Variants in MACF1 observed in about 807,000 individuals in gnomAD.
MACF1 encodes the protein microtubule-actin cross-linking factor 1.
A neutral mutation model predicts 854.8 loss-of-function variants in MACF1; 193 were observed. That is an observed-to-expected ratio of 0.23 (90% CI 0.20 to 0.25). MACF1 has a LOEUF of 0.25. MACF1 is among the 10% of genes least tolerant of loss of function. The probability of loss-of-function intolerance (pLI) is 1.00; values close to 1 mark genes in which losing one functional copy is unlikely to be tolerated. For synonymous variants in MACF1, 3,185 were observed against 3,226.7 expected (o/e 0.99, Z 0.44); for missense variants, 7,722 against 8,929.1 (o/e 0.86, Z 5.45).
At chr1:39,116,598 G>A (rs1642553689) in intron 2 of MACF1, among the ~76,000 whole-genome samples, 1 of 152,152 alleles carries the variant, frequency 6.6e-6, no homozygotes, top group African/African-American at 2.4e-5. Flanking sequence ...TTGATTGTTT[G>A]TACTGTTGTT....
At chr1:39,099,021 G>A (rs1440800656) in intron 2 of MACF1, among the ~76,000 whole-genome samples, 1 of 152,220 alleles carries the variant, frequency 6.6e-6, no homozygotes, top group East Asian at 1.9e-4. Context: ...AAAGGATAAT[G>A]CTTGGGGCTG....
upstream of MACF1, chr1:39,204,690 A>G: frequency 4.5e-6 from 1 of 220,454 alleles, no homozygotes; most frequent in East Asian, 1.1e-4. Context: ...GAGGATGCCA[A>G]AGATAGAGGT....
chr1:39,467,880 C>G (rs1644701944), intron 95 of MACF1: 1 of 152,300 alleles, frequency 6.6e-6, no homozygotes, highest in East Asian at 1.9e-4. Flanking sequence ...ATAGTATTCA[C>G]TATTTTCCAT....
Position 39,459,255 on chromosome 1 carries a change from G to T in MACF1, c.21360+6G>T, listed in dbSNP as rs1644501451. The T allele has an allele frequency of 6.2e-7, 1 of 1,606,774 alleles. No homozygotes were observed. The highest frequency in any genetic ancestry group is 8.5e-7 in the Non-Finnish European group (1 of 1,175,958). ...CCTTGGATCGGCTGGAGGAGGTAAT[G>T]CCCTGCTGAGTGGCCTTCCCTGAAA... On this transcript the variant is annotated splice_donor_region_variant and intron_variant, in intron 91 of 100. Transcript: ENST00000564288.
intron 31 of MACF1, among the ~76,000 whole-genome samples, chr1:39,320,611 C>G (rs536060601): frequency 6.6e-6 from 1 of 152,278 alleles, no homozygotes; most frequent in South Asian, 2.1e-4. Context: ...TAAATTCTTA[C>G]ATGGTTTATA....
At chr1:39,229,287 C>A (rs995715540) in intron 1 of MACF1, among the ~76,000 whole-genome samples, 1 of 151,348 alleles carries the variant, frequency 6.6e-6, no homozygotes, top group Admixed American at 6.6e-5. Flanking sequence ...GATTCAAGGC[C>A]GAAAAGAAGG....
intron 27 of MACF1, among the ~76,000 whole-genome samples, 164 bp downstream of exon 27, chr1:39,315,855 G>T (rs908489969): frequency 6.6e-6 from 1 of 152,172 alleles, no homozygotes; most frequent in Non-Finnish European, 1.5e-5. Flanking sequence ...CATTAAGTAG[G>T]TTCATTTGGA....
At chr1:39,416,219 T>G (rs1172402557) in intron 58 of MACF1, among the ~76,000 whole-genome samples, 1 of 152,180 alleles carries the variant, frequency 6.6e-6, no homozygotes, top group Non-Finnish European at 1.5e-5. Context: ...TAAATTAGGA[T>G]GCATCATCTT....
At chr1:39,377,761 T>C (rs929046308) in intron 52 of MACF1, among the ~76,000 whole-genome samples, 1 of 152,200 alleles carries the variant, frequency 6.6e-6, no homozygotes, top group Admixed American at 6.5e-5. Context: ...CCCAGCACTT[T>C]GGGAGGCCGA....
chr1:39,277,184 T>C (rs939479887), intron 6 of MACF1, among the ~76,000 whole-genome samples: 2 of 150,596 alleles, frequency 1.3e-5, no homozygotes, highest in African/African-American at 4.9e-5. Context: ...TCCAGTGTTA[T>C]GTAACTGGAC....
chr1:39,347,360 T>C, intron 41 of MACF1, 150 bp downstream of exon 41: 1 of 672,690 alleles, frequency 1.5e-6, no homozygotes, highest in Non-Finnish European at 2.6e-6. Flanking sequence ...ATGGTTCTAG[T>C]CCAGGAGGCA....
Position 39,353,164 on chromosome 1 carries a change from C to T in MACF1, c.11357C>T (p.Thr3786Ile). 1.2e-6 allele frequency: 2 copies of T among 1,613,702 alleles called. No homozygotes were observed. The highest frequency in any genetic ancestry group is 1.7e-6 in the Non-Finnish European group (2 of 1,179,596). Residue 3786 changes from threonine (T) to isoleucine (I), a missense_variant, in exon 44 of 101, where the codon ACC becomes ATC. Thr to Ile is a moderately conservative substitution (Grantham distance 89). Coordinates refer to ENST00000564288, the MANE Select transcript of MACF1 (RefSeq NM_001394062.1). ...AGCTTGGAGAAAGGAGCCTTGGACA[C>T]CACTGATGGTTACATGGGGGTGAAT... is the stretch of plus-strand genomic sequence containing the variant. Reference protein sequence around the residue: ...GASLEKGALDTTDGYMGVNQA... With the variant: ...GASLEKGALDITDGYMGVNQA...
chr1:39,223,459 A>G (rs943347790), intron 1 of MACF1, among the ~76,000 whole-genome samples: 2 of 152,158 alleles, frequency 1.3e-5, no homozygotes, highest in African/African-American at 4.8e-5. Context: ...TGAGCATTAG[A>G]AAGAATAGAT....
chr1:39,286,767 G>C (rs760801254), intron 14 of MACF1, among the ~76,000 whole-genome samples: 3 of 151,824 alleles, frequency 2.0e-5, no homozygotes, highest in Non-Finnish European at 4.4e-5. Flanking sequence ...CACATCTCTT[G>C]ACCCCTAATC....
rs189250941 is a variant in MACF1, at chr1:39,435,521, A to G, written c.17785-37A>G. 95 of 1,521,364 alleles carry G rather than the reference A, an allele frequency of 6.2e-5. 1 individual carries two copies. In the African/African-American group the frequency reaches 9.9e-4, roughly 16 times the overall value. 94.2% of individuals were successfully genotyped at this position (1,521,364 alleles called of 1,614,324 possible). A position where few individuals can be genotyped will look rare whatever the true frequency, so the allele number is the denominator to read the frequency against. ...GTATCTAAATACATAAACTGGTATA[A>G]AAGTACTCATTATGGTTTAATTCTT... On this transcript the variant is annotated intron_variant, in intron 69 of 100. Transcript: ENST00000564288.
intron 58 of MACF1, among the ~76,000 whole-genome samples, chr1:39,388,901 CA>C (rs1278597488): frequency 9.8e-6 from 1 of 102,018 alleles, no homozygotes; most frequent in Non-Finnish European, 1.8e-5. Context: ...TTTTTTGAGA[CA>C]GGGTCTCTCT....
At chr1:39,480,132 A>G (rs889003361) in intron 98 of MACF1, 123 bp downstream of exon 98, 3 of 580,678 alleles carry the variant, frequency 5.2e-6, no homozygotes, top group East Asian at 3.5e-5. Flanking sequence ...CATGTTTTCT[A>G]TTTTAGAAAT....
intron 2 of MACF1, among the ~76,000 whole-genome samples, chr1:39,124,284 G>C (rs1056584773): frequency 1.3e-5 from 2 of 152,140 alleles, no homozygotes; most frequent in Admixed American, 1.3e-4. Flanking sequence ...GAGTTGGACA[G>C]ACCTGGGATT....
At chr1:39,285,447 C>G in intron 13 of MACF1, 57 bp downstream of exon 13, 2 of 1,587,414 alleles carry the variant, frequency 1.3e-6, no homozygotes, top group East Asian at 2.2e-5. Context: ...GCTTCTCACC[C>G]TCTGCTCTAA....
Sources: allele counts gnomAD v4.1 joint callset (sites outside exome capture counted in the v4.1 genomes callset), GRCh38; gene constraint gnomAD v4.1.1; transcripts MANE v1.5; gene names NCBI Gene and HGNC (gene_info 2026-07-23, HGNC 2026-07-21).